NXPH1: variants seen among roughly 807,000 people sequenced by gnomAD.
The protein encoded by NXPH1 is neurexophilin-1.
In NXPH1, 5 loss-of-function variants were observed where a neutral mutation model predicts 23.7. That is an observed-to-expected ratio of 0.21 (90% CI 0.11 to 0.44). The LOEUF is 0.44. Ranked by LOEUF, NXPH1 falls within the 20% of genes least tolerant of loss-of-function variation. NXPH1 has a pLI of 0.99. For synonymous variants in NXPH1, 144 were observed against 122.2 expected (o/e 1.18, Z -1.18); for missense variants, 324 against 321.6 (o/e 1.01, Z -0.06).
In NXPH1 at chr7:8,751,736, C is replaced by T. The variant is rs1370787002; in HGVS notation, c.783C>T (p.Tyr261=). ...LVQKVCPDYN[Y]HSDTPYFPSG ...AGAAAGTGTGCCCTGACTACAACTA[C>T]CACAGTGACACACCTTACTTTCCCT... Residue 261 remains tyrosine (Y), a synonymous_variant, in exon 3 of 3, where the codon TAC becomes TAT. Transcript: ENST00000405863. This position sits in a 1 kb window ranked among gnomAD's most constrained non-coding sequence, Gnocchi z 4.5. 1 of 1,612,226 alleles carries T rather than the reference C, an allele frequency of 6.2e-7. No homozygotes were observed. The highest frequency in any genetic ancestry group is 8.5e-7 in the Non-Finnish European group (1 of 1,179,160).
At chr7:8,645,071 C>G (rs962033062) in intron 2 of NXPH1, among the ~76,000 whole-genome samples, 3 of 152,132 alleles carry the variant, frequency 2.0e-5, no homozygotes, top group African/African-American at 7.2e-5. Flanking sequence ...AGTGCTCGTT[C>G]TCTTGTTGGT....
chr7:8,456,490 AATG>A (rs1180354761), intron 2 of NXPH1, among the ~76,000 whole-genome samples: 2 of 152,186 alleles, frequency 1.3e-5, no homozygotes, highest in African/African-American at 4.8e-5. Flanking sequence ...ATGTGACAAA[AATG>A]ATGAATGGAA....
chr7:8,607,982 G>A (rs572586208), intron 2 of NXPH1, among the ~76,000 whole-genome samples: 1 of 152,352 alleles, frequency 6.6e-6, no homozygotes, highest in Admixed American at 6.5e-5. Context: ...GCAGCTGCAA[G>A]CCAAGGAATG....
At position 8,710,640 on chromosome 7, in the gene NXPH1, G is replaced by GGTTTTTTTTTTTTTTTTTTTT; in HGVS notation, c.55-40368_55-40367insGTTTTTTTTTTTTTTTTTTTT. ...TTGAACAAAGCATGTCAACTGTTAC[G>GGTTTTTTTTTTTTTTTTTTTT]TTTTTTGTTTTTTTTTTTTTTTTTT... On this transcript the variant is annotated intron_variant, in intron 2 of 2. Transcript: ENST00000405863. 2.9e-4 allele frequency among the ~76,000 whole-genome samples: 8 copies of GGTTTTTTTTTTTTTTTTTTTT among 27,672 alleles called. 3 individuals are homozygous for GGTTTTTTTTTTTTTTTTTTTT. Among genetic ancestry groups the GGTTTTTTTTTTTTTTTTTTTT allele is most frequent in the South Asian group, 3.8e-3 (2 of 528 alleles). 18.2% of individuals were successfully genotyped at this position (27,672 alleles called of 152,430 possible). A position where few individuals can be genotyped will look rare whatever the true frequency, so the allele number is the denominator to read the frequency against.
intron 2 of NXPH1, among the ~76,000 whole-genome samples, chr7:8,578,501 C>G (rs938808035): frequency 2.0e-5 from 3 of 152,200 alleles, no homozygotes; most frequent in Non-Finnish European, 4.4e-5. Context: ...TTAGAATTTT[C>G]TAGCAATTTG....
intron 2 of NXPH1, among the ~76,000 whole-genome samples, chr7:8,712,068 G>T (rs1262883730): frequency 6.6e-6 from 1 of 152,224 alleles, no homozygotes; most frequent in African/African-American, 2.4e-5. Flanking sequence ...TGCCAAAAGA[G>T]AGTCGAGAAG....
intron 2 of NXPH1, among the ~76,000 whole-genome samples, chr7:8,639,942 C>T (rs1232349045): frequency 6.6e-6 from 1 of 152,142 alleles, no homozygotes; most frequent in Admixed American, 6.6e-5. Flanking sequence ...TTGTTATTAG[C>T]AGCATGAAAA....
intron 2 of NXPH1, among the ~76,000 whole-genome samples, chr7:8,457,373 G>C (rs1052259096): frequency 2.0e-5 from 3 of 152,122 alleles, no homozygotes; most frequent in Non-Finnish European, 4.4e-5. Flanking sequence ...GTCAGGATTG[G>C]TACACCGATG....
At chr7:8,628,596 A>G (rs1205281495) in intron 2 of NXPH1, among the ~76,000 whole-genome samples, 1 of 152,082 alleles carries the variant, frequency 6.6e-6, no homozygotes, top group African/African-American at 2.4e-5. Flanking sequence ...GTATAAAAAA[A>G]AAAGAACTGG....
intron 2 of NXPH1, among the ~76,000 whole-genome samples, chr7:8,612,407 G>A (rs1003826897): frequency 6.6e-6 from 1 of 151,856 alleles, no homozygotes; most frequent in African/African-American, 2.4e-5. Flanking sequence ...GTTTTGAGAA[G>A]AGGAGATATA....
chr7:8,452,316 T>A lies in NXPH1; in HGVS notation c.54+16549T>A, dbSNP rs563936401. ...CCATCCAGTCTTTTTGATATACTCT[T>A]TCTTTAAATATGTTACCACCACTGA... On this transcript the variant is annotated intron_variant, in intron 2 of 2. Coordinates refer to ENST00000405863, the MANE Select transcript of NXPH1 (RefSeq NM_152745.3). Among the ~76,000 whole-genome samples the A allele has an allele frequency of 7.9e-5, 12 of 152,316 alleles. No homozygotes were observed. In the South Asian group the frequency reaches 2.3e-3, roughly 29 times the overall value.
At chr7:8,576,760 A>G (rs148694420) in intron 2 of NXPH1, among the ~76,000 whole-genome samples, 2 of 152,028 alleles carry the variant, frequency 1.3e-5, no homozygotes, top group African/African-American at 4.8e-5. Context: ...CATGTTTTTG[A>G]CTTGTTCCTT....
At chr7:8,609,352 G>A (rs966532450) in intron 2 of NXPH1, among the ~76,000 whole-genome samples, 3 of 152,194 alleles carry the variant, frequency 2.0e-5, no homozygotes, top group Non-Finnish European at 2.9e-5. Context: ...TTTTGTAGAC[G>A]AAGAATATAA....
intron 2 of NXPH1, among the ~76,000 whole-genome samples, chr7:8,457,451 C>T (rs1002151391): frequency 1.1e-4 from 16 of 152,010 alleles, no homozygotes; most frequent in African/African-American, 3.1e-4. Context: ...TGGAGGCCCA[C>T]ATTCTTAACA....
chr7:8,441,417 G>C (rs1816296453), intron 2 of NXPH1, among the ~76,000 whole-genome samples: 2 of 152,210 alleles, frequency 1.3e-5, no homozygotes, highest in East Asian at 3.9e-4. Context: ...GCATTTTTCT[G>C]CCTCAGATTG....
intron 2 of NXPH1, among the ~76,000 whole-genome samples, chr7:8,448,271 T>C (rs1816440002): frequency 6.6e-6 from 1 of 152,204 alleles, no homozygotes; most frequent in South Asian, 2.1e-4. Context: ...AGGTGACTGG[T>C]ACAATGCAAT....
intron 2 of NXPH1, among the ~76,000 whole-genome samples, chr7:8,680,336 G>C (rs964596433): frequency 1.3e-5 from 2 of 152,194 alleles, no homozygotes; most frequent in African/African-American, 2.4e-5. Flanking sequence ...AAAGCACAGA[G>C]TGTGGAAAAT....
At chr7:8,452,381 A>G (rs972091561) in intron 2 of NXPH1, among the ~76,000 whole-genome samples, 1 of 152,154 alleles carries the variant, frequency 6.6e-6, no homozygotes, top group African/African-American at 2.4e-5. Context: ...GACCTGTTGA[A>G]TATTCCTCCT....
intron 2 of NXPH1, among the ~76,000 whole-genome samples, chr7:8,662,317 T>C (rs981524888): frequency 2.0e-5 from 3 of 152,080 alleles, no homozygotes; most frequent in African/African-American, 7.2e-5. Flanking sequence ...ATGATATTGA[T>C]GCCTTGTGAT....
Sources: gnomAD v4.1 joint callset for allele counts (sites outside exome capture counted in the v4.1 genomes callset) on GRCh38, gnomAD v4.1.1 for gene constraint, Gnocchi (gnomAD v3.1) non-coding constraint, MANE v1.5 for transcripts, NCBI Gene and HGNC (gene_info 2026-07-23, HGNC 2026-07-21) for gene names.